Variants in AUTS2 observed in about 807,000 individuals in gnomAD.
AUTS2 encodes autism susceptibility gene 2 protein.
In AUTS2, 17 loss-of-function variants were observed where a neutral mutation model predicts 112.4. That is an observed-to-expected ratio of 0.15 (90% confidence interval 0.10 to 0.23). The LOEUF is 0.23. Ranked by LOEUF, AUTS2 falls within the 10% of genes least tolerant of loss-of-function variation. AUTS2 has a pLI of 1.00. For synonymous variants in AUTS2, 751 were observed against 702.7 expected (o/e 1.07, Z -1.09); for missense variants, 1,510 against 1,701.6 (o/e 0.89, Z 1.98).
intron 6 of AUTS2, among the ~76,000 whole-genome samples, chr7:70,719,739 G>A (rs2129551128): frequency 6.6e-6 from 1 of 152,242 alleles, no homozygotes; most frequent in African/African-American, 2.4e-5. Flanking sequence ...TGCGATTACA[G>A]GCGTGAACCA....
At chr7:69,783,909 T>A (rs773191231) in intron 1 of AUTS2, among the ~76,000 whole-genome samples, 26 of 152,180 alleles carry the variant, frequency 1.7e-4, no homozygotes, top group Non-Finnish European at 1.9e-4. Flanking sequence ...TTGAAATGAT[T>A]TCTTGAGTCA....
intron 6 of AUTS2, among the ~76,000 whole-genome samples, chr7:70,703,113 T>G (rs951190323): frequency 6.6e-6 from 1 of 152,148 alleles, no homozygotes. Context: ...CCTTATTCTT[T>G]AGGTTTAGAC....
intron 2 of AUTS2, among the ~76,000 whole-genome samples, chr7:70,089,597 G>A (rs528961419): frequency 6.6e-6 from 1 of 151,760 alleles, no homozygotes; most frequent in Non-Finnish European, 1.5e-5. Context: ...TGGATATTTA[G>A]ACTGTTTATA....
chr7:69,919,509 G>A (rs1398965893), intron 2 of AUTS2, among the ~76,000 whole-genome samples: 4 of 152,220 alleles, frequency 2.6e-5, no homozygotes, highest in African/African-American at 9.6e-5. Context: ...TTGTGAATAT[G>A]TTCAGTGAAG....
At chr7:70,024,537 G>C (rs1800426778) in intron 2 of AUTS2, among the ~76,000 whole-genome samples, 1 of 151,890 alleles carries the variant, frequency 6.6e-6, no homozygotes, top group South Asian at 2.1e-4. Context: ...TTTCTTTTCT[G>C]TCTCTTTATT....
rs1382273788 is a variant in AUTS2, at chr7:69,885,350, G to A, written c.310-13936G>A. On this transcript the variant is annotated intron_variant, in intron 1 of 18. Transcript: ENST00000342771. ...CTTTTCACCTCTTAAATAAATCGGT[G>A]AAGGTTGTCAATTTTACAGAAAAGC... is the stretch of plus-strand genomic sequence containing the variant. Among the ~76,000 whole-genome samples, 3 of 152,098 alleles carry A rather than the reference G, an allele frequency of 2.0e-5. No individual in the cohort carries two copies. The South Asian group carries it at 6.2e-4, about 31-fold the overall frequency.
intron 1 of AUTS2, among the ~76,000 whole-genome samples, chr7:69,817,034 C>G (rs142698215): frequency 6.0e-4 from 91 of 152,254 alleles, no homozygotes; most frequent in Admixed American, 9.8e-4. Context: ...TCTAGGAAGG[C>G]TGTTGTGGAG....
chr7:70,431,893 CTG>C (rs1177273432), intron 4 of AUTS2, among the ~76,000 whole-genome samples: 1 of 152,238 alleles, frequency 6.6e-6, no homozygotes, highest in Non-Finnish European at 1.5e-5. Context: ...CCCTTTCTAA[CTG>C]TGCATTTGAG....
chr7:69,700,929 G>A (rs1304257874), intron 1 of AUTS2, among the ~76,000 whole-genome samples: 2 of 152,182 alleles, frequency 1.3e-5, no homozygotes, highest in South Asian at 4.1e-4. Context: ...AAAATGTGGA[G>A]GCAGAAATGC....
intron 2 of AUTS2, among the ~76,000 whole-genome samples, chr7:70,115,844 G>A (rs1805331216): frequency 6.6e-6 from 1 of 152,010 alleles, no homozygotes; most frequent in South Asian, 2.1e-4. Flanking sequence ...GAAAGAAAGA[G>A]CTCTTCAAAG....
At position 70,731,949 on chromosome 7, in the gene AUTS2, A is replaced by G. The variant is rs112974175; in HGVS notation, c.743-30921A>G. Among the ~76,000 whole-genome samples, 334 of 152,296 alleles carry G rather than the reference A, an allele frequency of 2.2e-3. 1 individual carries two copies. The highest frequency in any genetic ancestry group is 6.8e-3 in the Middle Eastern group (2 of 294). ...TTTCATAACCACAGTACAGCTACCA[A>G]TTGCAATAAATTTTTCACTGATGTG... is the stretch of plus-strand genomic sequence containing the variant. On this transcript the variant is annotated intron_variant, in intron 6 of 18. Transcript: ENST00000342771.
intron 5 of AUTS2, among the ~76,000 whole-genome samples, chr7:70,525,509 T>A (rs1799804322): frequency 6.6e-6 from 1 of 152,166 alleles, no homozygotes; most frequent in Non-Finnish European, 1.5e-5. Flanking sequence ...AAATAGAGTA[T>A]TTTTTCCCAG....
chr7:70,554,267 C>T (rs1413552404), intron 5 of AUTS2, among the ~76,000 whole-genome samples: 1 of 151,582 alleles, frequency 6.6e-6, no homozygotes, highest in African/African-American at 2.4e-5. Flanking sequence ...TGGGGTTTCA[C>T]CATGTTGGCC....
At chr7:70,364,423 G>C (rs1792462138) in intron 4 of AUTS2, among the ~76,000 whole-genome samples, 1 of 151,818 alleles carries the variant, frequency 6.6e-6, no homozygotes, top group South Asian at 2.1e-4. Context: ...AAAATTAGCT[G>C]GGCATGGTGG....
At chr7:69,695,335 GA>G (rs988851058) in intron 1 of AUTS2, among the ~76,000 whole-genome samples, 3 of 151,076 alleles carry the variant, frequency 2.0e-5, no homozygotes, top group Non-Finnish European at 3.0e-5. Context: ...GTATAAAAAA[GA>G]AAAAAAATTT....
chr7:70,441,417 G>A (rs951239264), intron 5 of AUTS2, among the ~76,000 whole-genome samples: 8 of 151,980 alleles, frequency 5.3e-5, no homozygotes, highest in Admixed American at 1.3e-4. Context: ...ACAGGGTCTC[G>A]CTCTGTTGCC....
At chr7:70,489,910 A>T (rs927861798) in intron 5 of AUTS2, among the ~76,000 whole-genome samples, 1 of 152,244 alleles carries the variant, frequency 6.6e-6, no homozygotes, top group African/African-American at 2.4e-5. Context: ...TTTCTAAAAA[A>T]TCCATGGGTC....
At chr7:70,512,155 G>A (rs1449077931) in intron 5 of AUTS2, among the ~76,000 whole-genome samples, 1 of 152,120 alleles carries the variant, frequency 6.6e-6, no homozygotes, top group African/African-American at 2.4e-5. Flanking sequence ...TAGGGAGCTG[G>A]GTATTAACCA....
intron 2 of AUTS2, among the ~76,000 whole-genome samples, chr7:69,975,783 G>T (rs1275871049): frequency 6.6e-6 from 1 of 151,718 alleles, no homozygotes; most frequent in Non-Finnish European, 1.5e-5. Flanking sequence ...TGCCTCCTGG[G>T]TTCAAGCAAT....
Sources: allele counts gnomAD v4.1 joint callset (sites outside exome capture counted in the v4.1 genomes callset), GRCh38; gene constraint gnomAD v4.1.1; transcripts MANE v1.5; gene names NCBI Gene and HGNC (gene_info 2026-07-23, HGNC 2026-07-21).